FHIT: variants seen among roughly 807,000 people sequenced by gnomAD.
FHIT encodes the protein fragile histidine triad diadenosine triphosphatase.
In FHIT, 19 loss-of-function variants were observed where a neutral mutation model predicts 17.9. The observed-to-expected ratio is 1.06, with a 90% CI of 0.74 to 1.56. FHIT has a LOEUF of 1.56. Among genes scored for constraint, FHIT ranks in the 40% most tolerant of loss-of-function variants. The probability of loss-of-function intolerance (pLI) is 0.00; values close to 1 mark genes in which losing one functional copy is unlikely to be tolerated. For synonymous variants in FHIT, 81 were observed against 69.7 expected (o/e 1.16, Z -0.81); for missense variants, 248 against 189.2 (o/e 1.31, Z -1.82).
intron 5 of FHIT, among the ~76,000 whole-genome samples, chr3:60,180,082 C>T (rs1296439665): frequency 6.6e-6 from 1 of 152,122 alleles, no homozygotes; most frequent in Non-Finnish European, 1.5e-5. Flanking sequence ...GACAAGCAGC[C>T]TCTGGAGAGC....
chr3:59,974,139 G>C (rs538415877), intron 7 of FHIT, among the ~76,000 whole-genome samples: 2 of 152,136 alleles, frequency 1.3e-5, no homozygotes, highest in East Asian at 3.9e-4. Context: ...CAAGCCAAAG[G>C]GAACTGTTAT....
chr3:60,894,187 C>T (rs1278754444), intron 3 of FHIT, among the ~76,000 whole-genome samples: 1 of 152,156 alleles, frequency 6.6e-6, no homozygotes, highest in Non-Finnish European at 1.5e-5. Context: ...TCATTCTTAA[C>T]CTCGTGTATA....
chr3:60,354,784 T>C (rs530385026), intron 5 of FHIT, among the ~76,000 whole-genome samples: 1 of 152,276 alleles, frequency 6.6e-6, no homozygotes, highest in East Asian at 1.9e-4. Flanking sequence ...ATATAAACCA[T>C]TATCTTAGGG....
At chr3:60,476,840 G>A (rs559773756) in intron 5 of FHIT, among the ~76,000 whole-genome samples, 27 of 128,920 alleles carry the variant, frequency 2.1e-4, no homozygotes, top group Admixed American at 1.9e-3. Flanking sequence ...CTGGACACCC[G>A]GGGAAGGATT....
chr3:60,438,346 G>A (rs1050970387), intron 5 of FHIT, among the ~76,000 whole-genome samples: 10 of 151,674 alleles, frequency 6.6e-5, no homozygotes, highest in African/African-American at 1.7e-4. Flanking sequence ...GCGTCCAGAC[G>A]ACCACCCAGA....
chr3:60,183,974 A>G (rs1253774735), intron 5 of FHIT, among the ~76,000 whole-genome samples: 3 of 144,934 alleles, frequency 2.1e-5, no homozygotes, highest in Non-Finnish European at 4.5e-5. Context: ...TTCATAAATT[A>G]TTATTTATAT....
chr3:61,035,273 G>A (rs763171433), intron 3 of FHIT, among the ~76,000 whole-genome samples: 65 of 152,200 alleles, frequency 4.3e-4, no homozygotes, highest in Non-Finnish European at 7.9e-4. Context: ...CTTTAAAATG[G>A]ATTTTTTGTT....
intron 5 of FHIT, among the ~76,000 whole-genome samples, chr3:60,305,614 C>T (rs150878533): frequency 1.3e-5 from 2 of 152,180 alleles, no homozygotes; most frequent in African/African-American, 4.8e-5. Flanking sequence ...AAATTAAGAT[C>T]TTTAAACTGT....
chr3:59,866,349 T>C (rs1287917985), intron 8 of FHIT, among the ~76,000 whole-genome samples: 2 of 152,144 alleles, frequency 1.3e-5, no homozygotes, highest in African/African-American at 4.8e-5. Context: ...ATGTAACTGC[T>C]ATTGGGTGAA....
intron 5 of FHIT, among the ~76,000 whole-genome samples, chr3:60,445,256 A>G (rs1029669901): frequency 1.3e-5 from 2 of 152,146 alleles, no homozygotes; most frequent in African/African-American, 4.8e-5. Context: ...AGATGATGCC[A>G]AATGCTAGCC....
Position 60,708,436 on chromosome 3 carries a change from T to C in FHIT, c.-18+113483A>G, listed in dbSNP as rs181567338. On this transcript the variant is annotated intron_variant, in intron 4 of 9. Transcript: ENST00000492590. ...CCTATAGAAACCCTTCCCAAGTTCA[T>C]TGATATGTGACACCCATGACATATT... Among the ~76,000 whole-genome samples the C allele has an allele frequency of 1.9e-4, 29 of 152,348 alleles. No homozygotes were observed. In the East Asian group the frequency reaches 4.8e-3, roughly 25 times the overall value.
At chr3:60,819,015 TTTTTTCTTTTC>T in intron 4 of FHIT, among the ~76,000 whole-genome samples, 1 of 62,558 alleles carries the variant, frequency 1.6e-5, no homozygotes, top group East Asian at 2.1e-3. Context: ...AGGTAATTTC[TTTTTTCTTTTC>T]TTTTTTCTTT....
chr3:61,222,365 G>C (rs2039861939), intron 1 of FHIT, among the ~76,000 whole-genome samples: 1 of 152,178 alleles, frequency 6.6e-6, no homozygotes, highest in Non-Finnish European at 1.5e-5. Flanking sequence ...AGGTGGCCGG[G>C]TAAGGTGCCA....
intron 2 of FHIT, among the ~76,000 whole-genome samples, chr3:61,197,945 G>T (rs2038901180): frequency 6.6e-6 from 1 of 152,092 alleles, no homozygotes. Context: ...CAGGAGTACT[G>T]GGAAGTTCAG....
chr3:59,754,484 G>A (rs1161371024), intron 8 of FHIT, among the ~76,000 whole-genome samples: 3 of 151,836 alleles, frequency 2.0e-5, no homozygotes, highest in Non-Finnish European at 4.4e-5. Flanking sequence ...CTACCTTGAC[G>A]TCTGTTATAA....
At chr3:59,994,131 T>G (rs907736929) in intron 7 of FHIT, among the ~76,000 whole-genome samples, 7 of 152,036 alleles carry the variant, frequency 4.6e-5, no homozygotes, top group African/African-American at 1.7e-4. Flanking sequence ...GAGCAATATT[T>G]GAACACTGGC....
intron 2 of FHIT, among the ~76,000 whole-genome samples, chr3:61,175,690 C>T (rs916484385): frequency 7.2e-6 from 1 of 139,148 alleles, no homozygotes; most frequent in African/African-American, 3.0e-5. Context: ...ACTCTCTTGC[C>T]CATGTGTCCC....
chr3:59,912,107 T>C (rs1309854794), intron 8 of FHIT, among the ~76,000 whole-genome samples: 1 of 152,242 alleles, frequency 6.6e-6, no homozygotes, highest in Non-Finnish European at 1.5e-5. Context: ...GAGATAAATG[T>C]ACCTTAATGC....
chr3:60,820,125 C>A (rs555754933), intron 4 of FHIT, among the ~76,000 whole-genome samples: 1 of 151,858 alleles, frequency 6.6e-6, no homozygotes, highest in Non-Finnish European at 1.5e-5. Context: ...CTGGCCAACA[C>A]GGTAAAACCC....
Sources: allele counts gnomAD v4.1 joint callset (sites outside exome capture counted in the v4.1 genomes callset), GRCh38; gene constraint gnomAD v4.1.1; transcripts MANE v1.5; gene names NCBI Gene and HGNC (gene_info 2026-07-23, HGNC 2026-07-21).